GLCCI1: variants seen among roughly 807,000 people sequenced by gnomAD.
The protein encoded by GLCCI1 is glucocorticoid induced 1.
GLCCI1 carries 24 observed loss-of-function variants against 52.2 expected under a neutral mutation model. That is an observed-to-expected ratio of 0.46 (90% CI 0.33 to 0.65). The LOEUF (loss-of-function observed/expected upper bound fraction) is 0.65, where lower values mean the gene tolerates loss of function less well. GLCCI1 is among the 30% of genes least tolerant of loss of function. GLCCI1 has a pLI of 0.02. For synonymous variants in GLCCI1, 310 were observed against 276.5 expected (o/e 1.12, Z -1.20); for missense variants, 704 against 701.5 (o/e 1.00, Z -0.04).
chr7:8,063,257 C>G (rs902816293), intron 5 of GLCCI1, among the ~76,000 whole-genome samples: 25 of 152,248 alleles, frequency 1.6e-4, no homozygotes, highest in African/African-American at 5.5e-4. Context: ...CCTGCCTCAG[C>G]CTCCCAAATG....
intron 1 of GLCCI1, among the ~76,000 whole-genome samples, chr7:7,972,238 A>C (rs1340316808): frequency 6.6e-6 from 1 of 152,140 alleles, no homozygotes; most frequent in Admixed American, 6.5e-5. Flanking sequence ...CACTGACATC[A>C]CTATACTGCA....
At position 7,969,413 on chromosome 7, in the gene GLCCI1, G is replaced by A. The variant is rs752994573; in HGVS notation, c.63G>A (p.Gln21=). Residue 21 remains glutamine, a synonymous_variant, in exon 1 of 8, where the codon CAG becomes CAA. Transcript: ENST00000223145. The surrounding 1 kb of genome is among the most constrained non-coding windows in gnomAD (Gnocchi z 4.9). ...CTCAGACCCCTCATCCCCCGTCGCA[G>A]AGGATGAGGCGCAGCGCCGCGGGGT... ...SSSQTPHPPS[Q]RMRRSAAGSP... The A allele has an allele frequency of 2.9e-6, 4 of 1,402,620 alleles. No individual in the cohort carries two copies. The highest frequency in any genetic ancestry group is 2.8e-6 in the Non-Finnish European group (3 of 1,073,084). 86.9% of individuals were successfully genotyped at this position (1,402,620 alleles called of 1,614,324 possible). A position where few individuals can be genotyped will look rare whatever the true frequency, so the allele number is the denominator to read the frequency against.
chr7:7,998,070 CAT>C (rs1249077915), intron 1 of GLCCI1, among the ~76,000 whole-genome samples: 1 of 151,400 alleles, frequency 6.6e-6, no homozygotes. Flanking sequence ...CTACATTTAA[CAT>C]ATATTAGAGC....
intron 5 of GLCCI1, among the ~76,000 whole-genome samples, chr7:8,063,579 G>A (rs905464134): frequency 6.7e-6 from 1 of 149,064 alleles, no homozygotes; most frequent in Non-Finnish European, 1.5e-5. Context: ...CTTTTGAAAA[G>A]TGTCTGTGCG....
intron 3 of GLCCI1, among the ~76,000 whole-genome samples, chr7:8,044,047 C>G (rs539184538): frequency 2.6e-5 from 4 of 151,966 alleles, no homozygotes; most frequent in Non-Finnish European, 5.9e-5. Flanking sequence ...CGGGTTCACA[C>G]CATTCTCCTG....
intron 1 of GLCCI1, among the ~76,000 whole-genome samples, chr7:8,001,651 C>G (rs1001869200): frequency 6.6e-6 from 1 of 152,196 alleles, no homozygotes; most frequent in African/African-American, 2.4e-5. Flanking sequence ...GACACATGCA[C>G]ACGTATGTTT....
intron 1 of GLCCI1, among the ~76,000 whole-genome samples, chr7:7,970,706 C>A (rs1419901475): frequency 6.6e-6 from 1 of 152,048 alleles, no homozygotes; most frequent in Non-Finnish European, 1.5e-5. Flanking sequence ...TGTCTAGGGA[C>A]ACAGTGCATG....
At chr7:8,074,893 G>C (rs182123239) in intron 6 of GLCCI1, among the ~76,000 whole-genome samples, 33 of 152,270 alleles carry the variant, frequency 2.2e-4, no homozygotes, top group Non-Finnish European at 2.8e-4. Flanking sequence ...GCTGTGGAGA[G>C]ATTTGTTCTG....
intron 2 of GLCCI1, among the ~76,000 whole-genome samples, chr7:8,019,935 C>T (rs557577267): frequency 6.6e-6 from 1 of 152,280 alleles, no homozygotes; most frequent in South Asian, 2.1e-4. Context: ...TTACCGTAAA[C>T]TACTGTAGAC....
chr7:8,033,735 G>T (rs1014576084), intron 3 of GLCCI1, among the ~76,000 whole-genome samples: 1 of 152,122 alleles, frequency 6.6e-6, no homozygotes, highest in African/African-American at 2.4e-5. Flanking sequence ...AATTTATAAG[G>T]ATTTAAATAA....
At position 7,980,578 on chromosome 7, in the gene GLCCI1, G is replaced by T. The variant is rs75579823; in HGVS notation, c.457+10771G>T. On this transcript the variant is annotated intron_variant, in intron 1 of 7. Coordinates refer to ENST00000223145, the MANE Select transcript of GLCCI1 (RefSeq NM_138426.4). ...TGATCCTACAGGGACTGGTCATGGA[G>T]GAGAGTCTATTTTTGGCCTAGGATT... The T allele has an allele frequency of 4.9e-3, 3,000 of 616,542 alleles. 17 individuals carry two copies. The highest frequency in any genetic ancestry group is 6.1e-3 in the Non-Finnish European group (2,099 of 341,330). 38.2% of individuals were successfully genotyped at this position (616,542 alleles called of 1,614,324 possible).
chr7:7,986,072 TTTTGCTCA>T (rs1233256835), intron 1 of GLCCI1, among the ~76,000 whole-genome samples: 2 of 152,202 alleles, frequency 1.3e-5, no homozygotes, highest in Non-Finnish European at 2.9e-5. Flanking sequence ...TCTTTGGATA[TTTTGCTCA>T]TGGTTTTTAT....
At chr7:7,980,703 A>G (rs1780596558) in intron 1 of GLCCI1, 1 of 747,186 alleles carries the variant, frequency 1.3e-6, no homozygotes, top group Non-Finnish European at 2.3e-6. Context: ...ACAGTGATCA[A>G]CATGGATCTC....
intron 2 of GLCCI1, among the ~76,000 whole-genome samples, chr7:8,010,472 A>G (rs1411273930): frequency 6.6e-6 from 1 of 152,190 alleles, no homozygotes; most frequent in African/African-American, 2.4e-5. Flanking sequence ...ATAATATCTT[A>G]TAAAATCTCT....
intron 3 of GLCCI1, among the ~76,000 whole-genome samples, chr7:8,047,620 A>G (rs921036663): frequency 6.6e-6 from 1 of 152,242 alleles, no homozygotes; most frequent in African/African-American, 2.4e-5. Flanking sequence ...GTAAGATTGT[A>G]TGCTCAGTAT....
intron 2 of GLCCI1, among the ~76,000 whole-genome samples, chr7:8,011,323 C>A (rs1781258220): frequency 6.6e-6 from 1 of 152,166 alleles, no homozygotes; most frequent in Admixed American, 6.5e-5. Flanking sequence ...CACACGCCAG[C>A]CTCTGGTAGC....
intron 1 of GLCCI1, among the ~76,000 whole-genome samples, chr7:7,978,332 C>T (rs1484859207): frequency 6.6e-6 from 1 of 152,170 alleles, no homozygotes; most frequent in Non-Finnish European, 1.5e-5. Context: ...TGATTCTCTA[C>T]ATTTATCATC....
Position 7,969,599 on chromosome 7 carries a change from GC to G in GLCCI1, c.252del (p.Val85SerfsTer83). 1 of 1,031,206 alleles carries G rather than the reference GC, an allele frequency of 9.7e-7. No homozygotes were observed. Among genetic ancestry groups the G allele is most frequent in the Non-Finnish European group, 1.2e-6 (1 of 861,286 alleles). 63.9% of individuals were successfully genotyped at this position (1,031,206 alleles called of 1,614,324 possible). ...RGSQHSPTRP[P>X]VAAAAASLGS... ...GCAGCCAGCACAGTCCCACGCGTCC[GC>G]CCGTCGCCGCTGCCGCCGCCTCGCT... is the stretch of plus-strand genomic sequence containing the variant. On this transcript the variant is annotated frameshift_variant, in exon 1 of 8. Coordinates refer to ENST00000223145, the MANE Select transcript of GLCCI1 (RefSeq NM_138426.4). LOFTEE classifies it high-confidence loss of function. This position sits in a 1 kb window ranked among gnomAD's most constrained non-coding sequence, Gnocchi z 4.9.
At chr7:8,044,682 C>T (rs1217043049) in intron 3 of GLCCI1, among the ~76,000 whole-genome samples, 2 of 152,188 alleles carry the variant, frequency 1.3e-5, no homozygotes, top group Non-Finnish European at 2.9e-5. Flanking sequence ...ATCTGTTCTT[C>T]ATAATTCACA....
Sources: gnomAD v4.1 joint callset for allele counts (sites outside exome capture counted in the v4.1 genomes callset) on GRCh38, gnomAD v4.1.1 for gene constraint, Gnocchi (gnomAD v3.1) non-coding constraint, MANE v1.5 for transcripts, NCBI Gene and HGNC (gene_info 2026-07-23, HGNC 2026-07-21) for gene names.